Variants in RBM47 observed in about 807,000 individuals in gnomAD.
RBM47 encodes the protein RNA-binding protein 47.
In RBM47, 21 loss-of-function variants were observed where a neutral mutation model predicts 47.1. That is an observed-to-expected ratio of 0.45 (90% CI 0.32 to 0.64). The LOEUF is 0.64. Among genes scored for constraint, RBM47 ranks in the 30% least tolerant of loss-of-function variants. The pLI is 0.05. For synonymous variants in RBM47, 375 were observed against 361.7 expected (o/e 1.04, Z -0.42); for missense variants, 708 against 870.9 (o/e 0.81, Z 2.35).
chr4:40,566,953 T>C (rs1731162970), intron 1 of RBM47, among the ~76,000 whole-genome samples: 1 of 151,096 alleles, frequency 6.6e-6, no homozygotes, highest in South Asian at 2.1e-4. Context: ...CGGCCCATTC[T>C]GTGTCTTCAT....
At chr4:40,594,846 T>C (rs1734609501) in intron 1 of RBM47, among the ~76,000 whole-genome samples, 1 of 152,204 alleles carries the variant, frequency 6.6e-6, no homozygotes, top group Admixed American at 6.5e-5. Flanking sequence ...TACCTAGTAG[T>C]ACTTATCATT....
At chr4:40,465,679 CAA>C (rs879316072) in intron 3 of RBM47, among the ~76,000 whole-genome samples, 3 of 136,910 alleles carry the variant, frequency 2.2e-5, no homozygotes. Flanking sequence ...ACTCCATCTC[CAA>C]AAAAAAAAAA....
upstream of RBM47, chr4:40,630,718 C>T (rs1047376744): frequency 6.6e-6 from 1 of 152,252 alleles, no homozygotes; most frequent in African/African-American, 2.4e-5. Flanking sequence ...AACCCCCACC[C>T]CATCCCAATT....
At chr4:40,491,722 C>T (rs1221609563) in intron 2 of RBM47, 1 of 168,796 alleles carries the variant, frequency 5.9e-6, no homozygotes, top group Non-Finnish European at 1.3e-5. Context: ...TTGGTCTCAG[C>T]TGCAGAAGCC....
chr4:40,557,094 T>C (rs2154265621), intron 1 of RBM47, among the ~76,000 whole-genome samples: 1 of 152,248 alleles, frequency 6.6e-6, no homozygotes, highest in East Asian at 1.9e-4. Context: ...GTCCCCTAAA[T>C]TCATTATTGG....
intron 4 of RBM47, 57 bp downstream of exon 4, chr4:40,437,714 C>G: frequency 6.7e-7 from 1 of 1,492,212 alleles, no homozygotes; most frequent in Admixed American, 1.9e-5. Flanking sequence ...CCTGGTGCCC[C>G]CTGCCTAGGA....
chr4:40,445,669 TCAAAAGGG>T (rs1356580677), intron 3 of RBM47, among the ~76,000 whole-genome samples: 1 of 152,198 alleles, frequency 6.6e-6, no homozygotes, highest in Non-Finnish European at 1.5e-5. Flanking sequence ...AGAGCCTGCT[TCAAAAGGG>T]TCATACACCT....
chr4:40,496,320 G>C (rs1046799617), intron 2 of RBM47, among the ~76,000 whole-genome samples: 16 of 141,734 alleles, frequency 1.1e-4, no homozygotes, highest in Non-Finnish European at 3.1e-5. Context: ...ATCTTGGCTG[G>C]AGAACTTAAA....
In RBM47 at chr4:40,438,926, TGG is replaced by T; in HGVS notation, c.-31-4_-31-3del. On this transcript the variant is annotated splice_region_variant and splice_polypyrimidine_tract_variant and intron_variant, in intron 3 of 6. Transcript: ENST00000295971. ...AAGGCATCCACAGCTGGCGGAAACC[TGG>T]GGAAGCAGAAAGAAGCGTGAGTGGG... The T allele has an allele frequency of 6.7e-7, 1 of 1,497,962 alleles. No individual in the cohort carries two copies. The highest frequency in any genetic ancestry group is 8.9e-7 in the Non-Finnish European group (1 of 1,126,024). The allele number at this position is 1,497,962 out of a possible 1,614,324, so 92.8% of individuals were successfully genotyped here.
chr4:40,477,115 G>A (rs960525204), intron 2 of RBM47, among the ~76,000 whole-genome samples: 8 of 152,096 alleles, frequency 5.3e-5, no homozygotes, highest in Admixed American at 1.3e-4. Flanking sequence ...CCTGGGAGGC[G>A]GAGGTTGCAG....
intron 1 of RBM47, among the ~76,000 whole-genome samples, chr4:40,610,867 C>G (rs1016848843): frequency 1.1e-4 from 16 of 152,114 alleles, no homozygotes; most frequent in African/African-American, 3.9e-4. Flanking sequence ...TCCTCATTCT[C>G]TCTTGCTGCT....
At chr4:40,516,261 C>CTTTT (rs541606790) in intron 2 of RBM47, among the ~76,000 whole-genome samples, 1 of 133,150 alleles carries the variant, frequency 7.5e-6, no homozygotes, top group African/African-American at 2.8e-5. Context: ...TCTTTTCTTT[C>CTTTT]TTTTTTTTTT....
chr4:40,569,016 TAGAC>T (rs398063481), intron 1 of RBM47, among the ~76,000 whole-genome samples: 8,254 of 98,582 alleles, frequency 0.084, 379 homozygotes, highest in Admixed American at 0.2. Context: ...GATAGATAGA[TAGAC>T]AGACAGACAG....
chr4:40,623,945 G>A (rs948165552), intron 1 of RBM47, among the ~76,000 whole-genome samples: 5 of 151,988 alleles, frequency 3.3e-5, no homozygotes, highest in African/African-American at 1.2e-4. Flanking sequence ...TCCGCCTCCC[G>A]ATCTCAAGGG....
At chr4:40,472,164 A>T (rs1718981701) in intron 2 of RBM47, among the ~76,000 whole-genome samples, 2 of 152,182 alleles carry the variant, frequency 1.3e-5, no homozygotes, top group African/African-American at 4.8e-5. Flanking sequence ...CTAGAATCCT[A>T]GAGTTCCACA....
intron 1 of RBM47, among the ~76,000 whole-genome samples, chr4:40,601,335 C>G (rs765981709): frequency 2.6e-5 from 4 of 152,164 alleles, no homozygotes; most frequent in Non-Finnish European, 5.9e-5. Flanking sequence ...ACATGCTTGT[C>G]AGATCATGAC....
At chr4:40,504,112 C>T (rs1296242245) in intron 2 of RBM47, among the ~76,000 whole-genome samples, 1 of 152,046 alleles carries the variant, frequency 6.6e-6, no homozygotes, top group African/African-American at 2.4e-5. Context: ...TTCTATTTTG[C>T]ATTCTTTCTT....
rs373642384 is a variant in RBM47, at chr4:40,601,365, GC to G, written c.-240+28030del. 1.5e-4 allele frequency among the ~76,000 whole-genome samples: 23 copies of G among 152,254 alleles called. 1 individual carries two copies. Among genetic ancestry groups the G allele is most frequent in the African/African-American group, 5.1e-4 (21 of 41,556 alleles). ...CATGACTATCGCTAATGTTGGAGAG[GC>G]ATTTCTACATTGGATGGTGTGTCAA... On this transcript the variant is annotated intron_variant, in intron 1 of 6. Transcript: ENST00000295971.
At chr4:40,577,581 T>C (rs1732463988) in intron 1 of RBM47, among the ~76,000 whole-genome samples, 1 of 151,912 alleles carries the variant, frequency 6.6e-6, no homozygotes, top group East Asian at 1.9e-4. Flanking sequence ...ATTTATTCCC[T>C]GTTCCAATTT....
Sources: gnomAD v4.1 joint callset for allele counts (sites outside exome capture counted in the v4.1 genomes callset) on GRCh38, gnomAD v4.1.1 for gene constraint, MANE v1.5 for transcripts, NCBI Gene and HGNC (gene_info 2026-07-23, HGNC 2026-07-21) for gene names.